FZD3: variants seen among roughly 807,000 people sequenced by gnomAD.
The protein encoded by FZD3 is frizzled class receptor 3.
A neutral mutation model predicts 60.7 loss-of-function variants in FZD3; 30 were observed. The observed-to-expected ratio is 0.49, with a 90% CI of 0.37 to 0.67. The LOEUF (loss-of-function observed/expected upper bound fraction) is 0.67. Ranked by LOEUF, FZD3 falls within the 30% of genes least tolerant of loss-of-function variation. The pLI, the probability that FZD3 is intolerant of heterozygous loss-of-function variation, is 0.00. For synonymous variants in FZD3, 246 were observed against 275.2 expected, an observed-to-expected ratio of 0.89 and a Z score of 1.05; for missense variants, 605 against 838.7, an observed-to-expected ratio of 0.72 and a Z score of 3.44.
chr8:28,536,131 A>G (rs1805006064), intron 5 of FZD3, among the ~76,000 whole-genome samples: 1 of 152,236 alleles, frequency 6.6e-6, no homozygotes. Flanking sequence ...TGTTATTACA[A>G]GTACATAATT....
chr8:28,534,730 A>G (rs1804966309), intron 5 of FZD3, among the ~76,000 whole-genome samples: 1 of 152,228 alleles, frequency 6.6e-6, no homozygotes, highest in African/African-American at 2.4e-5. Context: ...TGATTTTAAT[A>G]TTCAGATATT....
At chr8:28,537,267 A>G (rs1805040459) in intron 5 of FZD3, among the ~76,000 whole-genome samples, 1 of 152,230 alleles carries the variant, frequency 6.6e-6, no homozygotes. Flanking sequence ...GTCAAATGAC[A>G]CTTTTGGATA....
intron 6 of FZD3, among the ~76,000 whole-genome samples, chr8:28,554,364 C>T (rs1184254256): frequency 1.3e-5 from 2 of 152,044 alleles, no homozygotes; most frequent in Non-Finnish European, 2.9e-5. Flanking sequence ...TGAATAAGGC[C>T]GTTGATTACA....
chr8:28,546,599 CCCCA>C lies in FZD3; in HGVS notation c.1405-4999_1405-4996del, dbSNP rs201378647. 9.4e-3 allele frequency among the ~76,000 whole-genome samples: 1,429 copies of C among 152,248 alleles called. 25 individuals carry two copies. Among genetic ancestry groups the C allele is most frequent in the African/African-American group, 0.032 (1,342 of 41,534 alleles). ...CCAACAGTGAGGGTGTTTCCCAATG[CCCCA>C]CCCAGCACTTATTTTTATATTTAGA... On this transcript the variant is annotated intron_variant, in intron 5 of 7. Coordinates refer to ENST00000240093, the MANE Select transcript of FZD3 (RefSeq NM_017412.4).
intron 3 of FZD3, among the ~76,000 whole-genome samples, chr8:28,516,866 A>G (rs1804442520): frequency 6.6e-6 from 1 of 151,930 alleles, no homozygotes; most frequent in Non-Finnish European, 1.5e-5. Flanking sequence ...AAAAATTATG[A>G]TGTGTACTTT....
chr8:28,497,154 CTGTG>C (rs984388667), intron 1 of FZD3, among the ~76,000 whole-genome samples: 3 of 152,294 alleles, frequency 2.0e-5, no homozygotes, highest in Middle Eastern at 3.4e-3. Flanking sequence ...TACTTTTCCT[CTGTG>C]TGTGTGTTTT....
chr8:28,516,218 T>C (rs769890448), intron 3 of FZD3, among the ~76,000 whole-genome samples: 17 of 152,232 alleles, frequency 1.1e-4, no homozygotes, highest in Non-Finnish European at 2.1e-4. Context: ...ATACATGTGA[T>C]GGTTTAATTC....
At chr8:28,510,898 G>A (rs929252399) in intron 3 of FZD3, among the ~76,000 whole-genome samples, 12 of 150,856 alleles carry the variant, frequency 8.0e-5, no homozygotes, top group African/African-American at 2.0e-4. Flanking sequence ...TTAGCCGGGC[G>A]TGGTGGTGGG....
At chr8:28,520,881 T>A (rs771519523) in intron 4 of FZD3, 47 bp downstream of exon 4, 23 of 1,239,968 alleles carry the variant, frequency 1.9e-5, no homozygotes, top group Non-Finnish European at 2.2e-6. Flanking sequence ...TGTTGCAATA[T>A]GTTTAAAAGT....
rs1554531061 is a variant in FZD3, at chr8:28,498,285, CT to C, written c.-390-1639del. Among the ~76,000 whole-genome samples, 16 of 151,358 alleles carry C rather than the reference CT, an allele frequency of 1.1e-4. 1 individual carries two copies. The highest frequency in any genetic ancestry group is 9.7e-4 in the East Asian group (5 of 5,156). On this transcript the variant is annotated intron_variant, in intron 1 of 7. Coordinates refer to ENST00000240093, the MANE Select transcript of FZD3 (RefSeq NM_017412.4). ...TATGTTAATCTAATAGGTCCCCCCCCTTTTTTTTTCCAGTTGATATACTACA... is the reference window on the plus strand; with the variant it reads ...TATGTTAATCTAATAGGTCCCCCCCCTTTTTTTTCCAGTTGATATACTACA...
rs1563412473 is a variant in FZD3 at position 28,570,194 on chromosome 8, A to G, written c.*7183A>G. The G allele has an allele frequency of 6.6e-6, 1 of 152,218 alleles. No homozygotes were observed. The highest frequency in any genetic ancestry group is 1.5e-5 in the Non-Finnish European group (1 of 68,034). 9.4% of individuals were successfully genotyped at this position (152,218 alleles called of 1,614,324 possible). A position where few individuals can be genotyped will look rare whatever the true frequency, so the allele number is the denominator to read the frequency against. On this transcript the variant is annotated 3_prime_UTR_variant, in exon 8 of 8. Transcript: ENST00000240093. ...AAAAATTCCTTAATTGTCATCTGATATAATGTAGAGATTGAGGCCAGACGC... is the reference window on the plus strand; with the variant it reads ...AAAAATTCCTTAATTGTCATCTGATGTAATGTAGAGATTGAGGCCAGACGC...
At chr8:28,529,126 C>T (rs1804795228) in intron 5 of FZD3, among the ~76,000 whole-genome samples, 1 of 151,878 alleles carries the variant, frequency 6.6e-6, no homozygotes, top group South Asian at 2.1e-4. Context: ...CACTTGTTGC[C>T]CAGGCTAGTC....
At chr8:28,517,257 A>T (rs1319683914) in intron 3 of FZD3, among the ~76,000 whole-genome samples, 1 of 152,148 alleles carries the variant, frequency 6.6e-6, no homozygotes, top group African/African-American at 2.4e-5. Context: ...AGCTTTTTTA[A>T]ATAAGCCATT....
At chr8:28,521,256 A>G (rs1211063726) in intron 4 of FZD3, among the ~76,000 whole-genome samples, 1 of 152,152 alleles carries the variant, frequency 6.6e-6, no homozygotes, top group Non-Finnish European at 1.5e-5. Context: ...GTCAAGTATT[A>G]ACATACCAAA....
intron 1 of FZD3, among the ~76,000 whole-genome samples, chr8:28,494,621 C>A (rs1230846200): frequency 6.6e-6 from 1 of 151,992 alleles, no homozygotes; most frequent in Admixed American, 6.5e-5. Flanking sequence ...AGGCTGGGGG[C>A]TGAGGGCTGA....
At chr8:28,521,248 C>T (rs1445959662) in intron 4 of FZD3, among the ~76,000 whole-genome samples, 2 of 151,948 alleles carry the variant, frequency 1.3e-5, no homozygotes, top group African/African-American at 4.8e-5. Flanking sequence ...TTTTTTCTGT[C>T]AAGTATTAAC....
intron 5 of FZD3, among the ~76,000 whole-genome samples, chr8:28,550,116 C>T (rs1396071261): frequency 1.3e-5 from 2 of 151,994 alleles, no homozygotes; most frequent in Non-Finnish European, 2.9e-5. Context: ...TTAGAATTTT[C>T]CTATGAAACT....
At position 28,497,575 on chromosome 8, in the gene FZD3, G is replaced by GC. The variant is rs1482626050; in HGVS notation, c.-390-2357dup. ...TCGCTCTGTAGGCACTGTGTAACCA[G>GC]CATTTACTTTGAAACAACCTTTAGA... On this transcript the variant is annotated intron_variant, in intron 1 of 7. Transcript: ENST00000240093. Among the ~76,000 whole-genome samples the GC allele has an allele frequency of 2.6e-5, 4 of 152,316 alleles. No individual in the cohort carries two copies. In the East Asian group the frequency reaches 7.7e-4, roughly 29 times the overall value.
In FZD3 at chr8:28,563,416, A is replaced by C. The variant is rs776511424; in HGVS notation, c.*405A>C. 2 of 172,788 alleles carry C rather than the reference A, an allele frequency of 1.2e-5. No homozygotes were observed. The highest frequency in any genetic ancestry group is 2.5e-5 in the Non-Finnish European group (2 of 80,292). The allele number at this position is 172,788 out of a possible 1,614,324, so 10.7% of individuals were successfully genotyped here. On this transcript the variant is annotated 3_prime_UTR_variant, in exon 8 of 8. Coordinates refer to ENST00000240093, the MANE Select transcript of FZD3 (RefSeq NM_017412.4). ...AATAAAACAATTTCAGAATTAAAGA[A>C]ATTTTCTATGCAAGGTTTACTTCTC...
Sources: allele counts gnomAD v4.1 joint callset (sites outside exome capture counted in the v4.1 genomes callset), GRCh38; gene constraint gnomAD v4.1.1; transcripts MANE v1.5; gene names NCBI Gene and HGNC (gene_info 2026-07-23, HGNC 2026-07-21).